Variants in CADPS observed in about 807,000 individuals in gnomAD.
CADPS encodes the protein calcium-dependent secretion activator 1.
In CADPS, 57 loss-of-function variants were observed where a neutral mutation model predicts 167.3. The observed-to-expected ratio is 0.34, with a 90% CI of 0.28 to 0.42. CADPS has a LOEUF of 0.42. Among genes scored for constraint, CADPS ranks in the 20% least tolerant of loss-of-function variants. The pLI, the probability that CADPS is intolerant of heterozygous loss-of-function variation, is 1.00. For synonymous variants in CADPS, 676 were observed against 635.3 expected (o/e 1.06, Z -0.96); for missense variants, 1,414 against 1,738.1 (o/e 0.81, Z 3.32).
intron 13 of CADPS, among the ~76,000 whole-genome samples, chr3:62,525,052 A>C (rs2071714921): frequency 6.6e-6 from 1 of 152,224 alleles, no homozygotes; most frequent in African/African-American, 2.4e-5. Flanking sequence ...GTAACATCTG[A>C]AAATATGTTT....
intron 13 of CADPS, among the ~76,000 whole-genome samples, chr3:62,529,198 A>G (rs1307318108): frequency 6.6e-6 from 1 of 152,182 alleles, no homozygotes; most frequent in Non-Finnish European, 1.5e-5. Context: ...TGTAAACTGT[A>G]GAATGTTACA....
rs1247851785 is a variant in CADPS, at chr3:62,602,883, T to C, written c.1326-10135A>G. Among the ~76,000 whole-genome samples the C allele has an allele frequency of 6.6e-6, 1 of 152,220 alleles. No homozygotes were observed. The highest frequency in any genetic ancestry group is 1.5e-5 in the Non-Finnish European group (1 of 68,038). On this transcript the variant is annotated intron_variant, in intron 6 of 29. Transcript: ENST00000383710. This position sits in a 1 kb window ranked among gnomAD's most constrained non-coding sequence, Gnocchi z 4.4. ...ACTGCCAGCCACCCAGACATCATTC[T>C]TATTTGCCTCTCTTTGCCACATGTC...
At position 62,601,208 on chromosome 3, in the gene CADPS, A is replaced by G. The variant is rs2059915045; in HGVS notation, c.1326-8460T>C. Among the ~76,000 whole-genome samples the G allele has an allele frequency of 6.6e-6, 1 of 152,220 alleles. No individual in the cohort carries two copies. Among genetic ancestry groups the G allele is most frequent in the African/African-American group, 2.4e-5 (1 of 41,460 alleles). On this transcript the variant is annotated intron_variant, in intron 6 of 29. Coordinates refer to ENST00000383710, the MANE Select transcript of CADPS (RefSeq NM_003716.4). This position sits in a 1 kb window ranked among gnomAD's most constrained non-coding sequence, Gnocchi z 4.3. ...TGAAAATAATCAAAGGAATATTTGC[A>G]ACACATGAATATTATATGAAATTCA...
chr3:62,449,355 C>T (rs955420053), intron 26 of CADPS, among the ~76,000 whole-genome samples: 3 of 152,230 alleles, frequency 2.0e-5, no homozygotes, highest in Admixed American at 2.0e-4. Flanking sequence ...GATTCAAGTC[C>T]CCTTAGAGGT....
intron 6 of CADPS, among the ~76,000 whole-genome samples, chr3:62,621,193 G>C (rs376006183): frequency 6.6e-6 from 1 of 152,192 alleles, no homozygotes; most frequent in African/African-American, 2.4e-5. Context: ...TTTGATTGCT[G>C]TATTCTTGGA....
At chr3:62,609,454 T>C (rs2061181913) in intron 6 of CADPS, among the ~76,000 whole-genome samples, 1 of 152,178 alleles carries the variant, frequency 6.6e-6, no homozygotes, top group African/African-American at 2.4e-5. Flanking sequence ...GAAAATTAAG[T>C]GGCAGAGAGT....
intron 3 of CADPS, among the ~76,000 whole-genome samples, chr3:62,703,044 G>C (rs2081694541): frequency 6.6e-6 from 1 of 152,042 alleles, no homozygotes; most frequent in Non-Finnish European, 1.5e-5. Flanking sequence ...GTTCTCGACT[G>C]TTTCATAATT....
At chr3:62,717,670 T>C (rs939579739) in intron 3 of CADPS, among the ~76,000 whole-genome samples, 1 of 152,224 alleles carries the variant, frequency 6.6e-6, no homozygotes, top group Non-Finnish European at 1.5e-5. Flanking sequence ...CATCTCTCAC[T>C]GCATCAGATT....
chr3:62,783,552 A>G (rs1397369388), intron 1 of CADPS, among the ~76,000 whole-genome samples: 1 of 152,152 alleles, frequency 6.6e-6, no homozygotes, highest in Admixed American at 6.5e-5. Flanking sequence ...GTGGGACTTG[A>G]ATTCCGGCTC....
chr3:62,656,545 G>T (rs1464860875), intron 4 of CADPS, among the ~76,000 whole-genome samples: 1 of 152,122 alleles, frequency 6.6e-6, no homozygotes, highest in Non-Finnish European at 1.5e-5. Flanking sequence ...CAACTCTGGG[G>T]GTTCTCTCTG....
chr3:62,790,329 GATGA>G (rs1399282153), intron 1 of CADPS, among the ~76,000 whole-genome samples: 1 of 152,064 alleles, frequency 6.6e-6, no homozygotes, highest in Non-Finnish European at 1.5e-5. Flanking sequence ...AAATTCCTAT[GATGA>G]ATAAGTACTA....
intron 1 of CADPS, among the ~76,000 whole-genome samples, chr3:62,788,487 T>C (rs12634068): frequency 0.55 from 83,412 of 151,828 alleles, 25,756 homozygotes; most frequent in East Asian, 0.88. Flanking sequence ...AGGTCTTAAA[T>C]GATCTTAAAC....
chr3:62,858,395 T>TA (rs2080110197), intron 1 of CADPS, among the ~76,000 whole-genome samples: 1 of 152,132 alleles, frequency 6.6e-6, no homozygotes, highest in Admixed American at 6.6e-5. Context: ...AAGCATGGAA[T>TA]ACAAGTCCTC....
At chr3:62,521,696 G>A (rs1382481904) in intron 13 of CADPS, among the ~76,000 whole-genome samples, 4 of 152,188 alleles carry the variant, frequency 2.6e-5, no homozygotes, top group Admixed American at 1.3e-4. Flanking sequence ...CTCGTGTCCT[G>A]ACTGTGAATA....
intron 3 of CADPS, among the ~76,000 whole-genome samples, chr3:62,719,400 G>C (rs6768003): frequency 0.63 from 95,412 of 152,176 alleles, 30,505 homozygotes; most frequent in East Asian, 0.77. Context: ...TTAGGAGAAA[G>C]TACCCCTGAC....
intron 17 of CADPS, among the ~76,000 whole-genome samples, chr3:62,509,896 TAGACAGACCTG>T (rs1388195555): frequency 6.6e-6 from 1 of 152,168 alleles, no homozygotes; most frequent in African/African-American, 2.4e-5. Flanking sequence ...TATTTAAATT[TAGACAGACCTG>T]AGTTCAAATC....
In CADPS at chr3:62,570,926, G is replaced by A. The variant is rs756554520; in HGVS notation, c.1590C>T (p.Ala530=). The stretch of plus-strand genomic sequence containing the variant: ...ATCTCTTCCAGACATTCTTACCGAT[G>A]GCCCATAAATACCTAAGGGAAAGGA... ...QNMKHSGYLW[A]IGKNVWKRWK... Residue 530 remains alanine (A), a synonymous_variant, in exon 9 of 30, where the codon GCC becomes GCT. Coordinates refer to ENST00000383710, the MANE Select transcript of CADPS (RefSeq NM_003716.4). 24 of 1,607,626 alleles carry A rather than the reference G, an allele frequency of 1.5e-5. No homozygotes were observed. Among genetic ancestry groups the A allele is most frequent in the Middle Eastern group, 1.6e-4 (1 of 6,072 alleles).
intron 1 of CADPS, among the ~76,000 whole-genome samples, chr3:62,849,780 T>A: frequency 7.2e-6 from 1 of 138,600 alleles, no homozygotes; most frequent in Non-Finnish European, 1.5e-5. Context: ...ATCAGAATGA[T>A]GCTGGCCTCA....
chr3:62,428,795 C>T (rs1444795512), intron 28 of CADPS, among the ~76,000 whole-genome samples: 1 of 152,086 alleles, frequency 6.6e-6, no homozygotes, highest in African/African-American at 2.4e-5. Context: ...TGATTTTGCC[C>T]CCCAGGGGAA....
Sources: allele counts gnomAD v4.1 joint callset (sites outside exome capture counted in the v4.1 genomes callset), GRCh38; gene constraint gnomAD v4.1.1; non-coding constraint Gnocchi (gnomAD v3.1); transcripts MANE v1.5; gene names NCBI Gene and HGNC (gene_info 2026-07-23, HGNC 2026-07-21).